Variants in ZNF789 observed in about 807,000 individuals in gnomAD.
The protein encoded by ZNF789 is zinc finger protein 789.
Under a neutral mutation model 15.6 loss-of-function variants are expected in ZNF789, and 11 were observed. The ratio of observed to expected loss-of-function variants is 0.70; its 90% CI spans 0.44 to 1.16. The LOEUF is 1.16. Ranked by LOEUF, ZNF789 falls within the 50% of genes most tolerant of loss-of-function variation. The probability of loss-of-function intolerance (pLI) is 0.00; values close to 1 mark genes in which losing one functional copy is unlikely to be tolerated. For missense variants in ZNF789, 461 were observed against 512.6 expected, an observed-to-expected ratio of 0.90 and a Z score of 0.97; for synonymous variants, 159 against 176.0, an observed-to-expected ratio of 0.90 and a Z score of 0.76.
chr7:99,482,969 G>A (rs911724167), intron 3 of ZNF789, among the ~76,000 whole-genome samples: 79 of 152,268 alleles, frequency 5.2e-4, no homozygotes, highest in African/African-American at 1.9e-3. Context: ...GGTGGCTCAC[G>A]CCTGTAATCC....
Position 99,484,073 on chromosome 7 carries a change from C to A in ZNF789, c.195C>A (p.Asn65Lys). Residue 65 changes from asparagine to lysine, a missense_variant, in exon 4 of 5, where the codon AAC becomes AAA. Asn to Lys is a moderately conservative substitution (Grantham distance 94, BLOSUM62 0). Coordinates refer to ENST00000331410, the MANE Select transcript of ZNF789 (RefSeq NM_213603.3). ...PKPEMICQLE[N>K]WDEQWILDLP... is the part of the protein sequence containing the mutation. The stretch of plus-strand genomic sequence containing the variant: ...CTGAGATGATCTGTCAGCTGGAGAA[C>A]TGGGACGAGCAGTGGATCCTGGATC... The A allele has an allele frequency of 1.2e-6, 2 of 1,614,072 alleles. No homozygotes were observed. The highest frequency in any genetic ancestry group is 8.5e-7 in the Non-Finnish European group (1 of 1,180,026).
chr7:99,474,358 G>A (rs892912907), intron 1 of ZNF789, among the ~76,000 whole-genome samples: 1 of 152,192 alleles, frequency 6.6e-6, no homozygotes, highest in South Asian at 2.1e-4. Context: ...ACTTTGGGAG[G>A]CCAAGGCGGG....
chr7:99,476,610 C>A, intron 2 of ZNF789, 130 bp downstream of exon 2: 2 of 1,109,372 alleles, frequency 1.8e-6, no homozygotes, highest in Non-Finnish European at 2.4e-6. Context: ...AGAGCTTAGC[C>A]TCTGGAGTCA....
In ZNF789 at chr7:99,479,643, T is replaced by C. The variant is rs1799514724; in HGVS notation, c.25-18T>C. 8 of 1,579,718 alleles carry C rather than the reference T, an allele frequency of 5.1e-6. No homozygotes were observed. Among genetic ancestry groups the C allele is most frequent in the East Asian group, 2.3e-5 (1 of 44,134 alleles). On this transcript the variant is annotated intron_variant, in intron 2 of 4. Coordinates refer to ENST00000331410, the MANE Select transcript of ZNF789 (RefSeq NM_213603.3). ...TTATTTTAAGAATTGCAGTTACCTT[T>C]ATCAGCTACTTTTCCAGGAGCTGCT...
At position 99,486,856 on chromosome 7, in the gene ZNF789, T is replaced by C. The variant is rs2151075001; in HGVS notation, c.646T>C (p.Phe216Leu). Reference protein sequence around the residue: ...CGKVIRRKAWFDQHQRIHFLE... With the variant: ...CGKVIRRKAWLDQHQRIHFLE... ...AAAAGTCATTAGGCGTAAGGCATGG[T>C]TTGATCAACATCAAAGAATTCACTT... Residue 216 changes from phenylalanine to leucine, a missense_variant, in exon 5 of 5, where the codon TTT (phenylalanine) becomes CTT (leucine). Coordinates refer to ENST00000331410, the MANE Select transcript of ZNF789 (RefSeq NM_213603.3). The C allele has an allele frequency of 6.2e-7, 1 of 1,614,148 alleles. No homozygotes were observed. Among genetic ancestry groups the C allele is most frequent in the Non-Finnish European group, 8.5e-7 (1 of 1,180,032 alleles).
Position 99,479,801 on chromosome 7 carries a change from T to C in ZNF789, c.151+14T>C. 6.2e-7 allele frequency: 1 copy of C among 1,610,796 alleles called. No homozygotes were observed. The highest frequency in any genetic ancestry group is 1.1e-5 in the South Asian group (1 of 90,686). The stretch of plus-strand genomic sequence containing the variant: ...TGGTCTTGCTGGGTAGGACACGGCT[T>C]GAAGATTGGGCTTTGTCTGTGTTCT... On this transcript the variant is annotated intron_variant, in intron 3 of 4. Coordinates refer to ENST00000331410, the MANE Select transcript of ZNF789 (RefSeq NM_213603.3).
At chr7:99,484,354 G>A (rs965541163) in intron 4 of ZNF789, among the ~76,000 whole-genome samples, 4 of 152,208 alleles carry the variant, frequency 2.6e-5, no homozygotes, top group South Asian at 2.1e-4. Context: ...GGCTGGACGC[G>A]GTGGCGCATT....
chr7:99,484,513 G>A (rs1375794424), intron 4 of ZNF789, among the ~76,000 whole-genome samples: 1 of 152,132 alleles, frequency 6.6e-6, no homozygotes, highest in Non-Finnish European at 1.5e-5. Context: ...CCAGCTACCT[G>A]GGAGGCTGAG....
At chr7:99,477,050 C>CT (rs879538663) in intron 2 of ZNF789, among the ~76,000 whole-genome samples, 486 of 145,174 alleles carry the variant, frequency 3.3e-3, no homozygotes, top group African/African-American at 4.1e-3. Flanking sequence ...GTTGTTTTGT[C>CT]TTTTTTTTTT....
chr7:99,484,408 A>G (rs1334055300), intron 4 of ZNF789, among the ~76,000 whole-genome samples: 1 of 152,170 alleles, frequency 6.6e-6, no homozygotes, highest in Admixed American at 6.6e-5. Flanking sequence ...GGATCACCTG[A>G]GGCCAGGACT....
intron 4 of ZNF789, chr7:99,485,351 C>G (rs942507137): frequency 1.3e-6 from 1 of 793,346 alleles, no homozygotes; most frequent in Non-Finnish European, 2.1e-6. Context: ...CCACTAGATG[C>G]CAGTTGAACC....
intron 3 of ZNF789, chr7:99,483,766 C>T (rs1192787291): frequency 1.3e-6 from 1 of 780,908 alleles, no homozygotes; most frequent in African/African-American, 1.7e-5. Flanking sequence ...GCTGCAATAC[C>T]ACTGTGCTGA....
Position 99,487,020 on chromosome 7 carries a change from G to T in ZNF789, c.810G>T (p.Ala270=), listed in dbSNP as rs768754181. ...GTGGAAAGTGTTTTCGGCAGCTCGC[G>T]TATCTTGTTGAACATAAGAGGATTC... ...HDCGKCFRQL[A]YLVEHKRIHT... The change falls in exon 5 of 5, where the codon GCG becomes GCT. Residue 270 remains alanine, a synonymous_variant. Transcript: ENST00000331410. 40 of 1,613,824 alleles carry T rather than the reference G, an allele frequency of 2.5e-5. No homozygotes were observed. The South Asian group carries it at 4.4e-4, about 18-fold the overall frequency.
At position 99,483,307 on chromosome 7, in the gene ZNF789, AAAAT is replaced by A. The variant is rs537510544; in HGVS notation, c.152-706_152-703del. ...GGCGACAGAGCAGAGACTCCATCTC[AAAAT>A]AAATAAATAAATAAATTTATAAATA... On this transcript the variant is annotated intron_variant, in intron 3 of 4. Transcript: ENST00000331410. Among the ~76,000 whole-genome samples the A allele has an allele frequency of 8.6e-5, 13 of 151,996 alleles. No homozygotes were observed. In the South Asian group the frequency reaches 1.0e-3, roughly 12 times the overall value.
intron 2 of ZNF789, 24 bp downstream of exon 2, chr7:99,476,504 T>G (rs1392821513): frequency 6.8e-6 from 11 of 1,610,622 alleles, no homozygotes; most frequent in Non-Finnish European, 8.5e-6. Context: ...CCCCCTCTGC[T>G]TCATCAGCAT....
chr7:99,479,372 AACAG>A, intron 2 of ZNF789: 1 of 290,848 alleles, frequency 3.4e-6, no homozygotes, highest in Non-Finnish European at 6.3e-6. Flanking sequence ...TCCTCTAATC[AACAG>A]CAGATTTGAG....
At chr7:99,484,569 G>A (rs912774460) in intron 4 of ZNF789, among the ~76,000 whole-genome samples, 2 of 152,090 alleles carry the variant, frequency 1.3e-5, no homozygotes, top group Non-Finnish European at 2.9e-5. Context: ...GCAGTGAGCC[G>A]AGATCGCGTC....
chr7:99,483,707 G>A (rs760677983), intron 3 of ZNF789: 4 of 780,832 alleles, frequency 5.1e-6, no homozygotes, highest in South Asian at 2.7e-5. Context: ...AATGTGCTAC[G>A]CTTGATTTAA....
chr7:99,487,314 C>A lies in ZNF789; in HGVS notation c.1104C>A (p.Phe368Leu), dbSNP rs1275697458. Residue 368 changes from phenylalanine to leucine, a missense_variant, in exon 5 of 5, where the codon TTC (phenylalanine) becomes TTA (leucine). Coordinates refer to ENST00000331410, the MANE Select transcript of ZNF789 (RefSeq NM_213603.3). ...QHQRIHTKEEFFQCGECGKTF... is the reference protein window; with the variant it reads ...QHQRIHTKEELFQCGECGKTF... ...AAAGAATCCATACAAAGGAGGAATT[C>A]TTTCAATGTGGAGAATGTGGGAAAA... 1.2e-6 allele frequency: 2 copies of A among 1,614,192 alleles called. No individual in the cohort carries two copies. Among genetic ancestry groups the A allele is most frequent in the Admixed American group, 1.7e-5 (1 of 60,022 alleles).
Sources: allele counts gnomAD v4.1 joint callset (sites outside exome capture counted in the v4.1 genomes callset), GRCh38; gene constraint gnomAD v4.1.1; transcripts MANE v1.5; gene names NCBI Gene and HGNC (gene_info 2026-07-23, HGNC 2026-07-21).